PPARG: variants seen among roughly 807,000 people sequenced by gnomAD.
The protein encoded by PPARG is peroxisome proliferator activated receptor gamma.
A neutral mutation model predicts 39.2 loss-of-function variants in PPARG; 17 were observed. The ratio of observed to expected loss-of-function variants is 0.43; its 90% CI spans 0.30 to 0.65. PPARG has a LOEUF of 0.65. Ranked by LOEUF, PPARG falls within the 30% of genes least tolerant of loss-of-function variation. The pLI is 0.13. For synonymous variants in PPARG, 223 were observed against 215.7 expected (o/e 1.03, Z -0.30); for missense variants, 406 against 585.9 (o/e 0.69, Z 3.17).
intron 7 of PPARG, among the ~76,000 whole-genome samples, chr3:12,425,099 G>A (rs192576008): frequency 1.3e-5 from 2 of 152,076 alleles, no homozygotes; most frequent in Admixed American, 6.6e-5. Flanking sequence ...ATCAACTATC[G>A]CTTTAAGGGG....
chr3:12,332,553 TTTTG>T (rs1185265764), intron 2 of PPARG, among the ~76,000 whole-genome samples: 4 of 152,218 alleles, frequency 2.6e-5, no homozygotes, highest in African/African-American at 9.7e-5. Context: ...TGGCATTTGT[TTTTG>T]TTTAATATGT....
At chr3:12,293,247 G>A (rs924945255) in intron 1 of PPARG, among the ~76,000 whole-genome samples, 1 of 152,134 alleles carries the variant, frequency 6.6e-6, no homozygotes, top group South Asian at 2.1e-4. Flanking sequence ...GATTGTGTAA[G>A]TTCAGTTCAG....
chr3:12,400,706 T>C lies in PPARG; in HGVS notation c.530-5176T>C, dbSNP rs933357157. Among the ~76,000 whole-genome samples, 44 of 152,228 alleles carry C rather than the reference T, an allele frequency of 2.9e-4. 1 individual carries two copies. The highest frequency in any genetic ancestry group is 1.0e-3 in the African/African-American group (42 of 41,452). On this transcript the variant is annotated intron_variant, in intron 5 of 7. Coordinates refer to ENST00000651735, the MANE Select transcript of PPARG (RefSeq NM_138711.6). The stretch of plus-strand genomic sequence containing the variant: ...GTAATTTTTTTTGAGCCTCAAAAAC[T>C]AGACAAATACTGCTTTTAAAAAGAG...
At chr3:12,290,008 A>G (rs1387363169) in intron 1 of PPARG, among the ~76,000 whole-genome samples, 1 of 152,174 alleles carries the variant, frequency 6.6e-6, no homozygotes, top group Non-Finnish European at 1.5e-5. Context: ...GTGTATTACA[A>G]AACTGTCCAT....
chr3:12,373,810 G>GA (rs1239065316), intron 2 of PPARG, among the ~76,000 whole-genome samples: 1 of 152,194 alleles, frequency 6.6e-6, no homozygotes, highest in African/African-American at 2.4e-5. Context: ...AGTGCTGTGG[G>GA]AACACAGAGA....
intron 3 of PPARG, 102 bp downstream of exon 3, chr3:12,380,033 A>G (rs996579009): frequency 1.3e-5 from 13 of 1,016,816 alleles, no homozygotes; most frequent in Non-Finnish European, 1.8e-5. Context: ...GAAATCTAAT[A>G]GAGAAGGCAT....
chr3:12,296,647 AGTG>A (rs891488102), intron 1 of PPARG, among the ~76,000 whole-genome samples: 5 of 152,216 alleles, frequency 3.3e-5, no homozygotes, highest in Non-Finnish European at 7.3e-5. Flanking sequence ...AAAGCTCAGT[AGTG>A]GTGTCAATAA....
intron 2 of PPARG, among the ~76,000 whole-genome samples, chr3:12,342,761 T>C (rs200642396): frequency 6.6e-6 from 1 of 151,908 alleles, no homozygotes; most frequent in Non-Finnish European, 1.5e-5. Context: ...TTTTTAACAA[T>C]GAACGCGGAT....
intron 5 of PPARG, among the ~76,000 whole-genome samples, chr3:12,396,757 CAAAA>C (rs1208855424): frequency 3.6e-5 from 2 of 56,266 alleles, no homozygotes. Context: ...GACCCAGTCT[CAAAA>C]AAAAAAAAAA....
At chr3:12,343,634 C>T (rs1305775275) in intron 2 of PPARG, among the ~76,000 whole-genome samples, 1 of 152,254 alleles carries the variant, frequency 6.6e-6, no homozygotes, top group South Asian at 2.1e-4. Context: ...AAACCACCTA[C>T]TCGTATATTA....
chr3:12,417,751 C>G (rs2051111340), intron 7 of PPARG, among the ~76,000 whole-genome samples: 1 of 152,106 alleles, frequency 6.6e-6, no homozygotes, highest in Non-Finnish European at 1.5e-5. Context: ...GCAATGTGAA[C>G]CGAACACACA....
intron 2 of PPARG, among the ~76,000 whole-genome samples, chr3:12,364,893 T>C (rs541608493): frequency 6.6e-6 from 1 of 152,194 alleles, no homozygotes; most frequent in Non-Finnish European, 1.5e-5. Context: ...TTATTCACTT[T>C]CTTATTATTG....
chr3:12,350,696 G>T (rs557108949), intron 2 of PPARG, among the ~76,000 whole-genome samples: 1 of 152,152 alleles, frequency 6.6e-6, no homozygotes, highest in Non-Finnish European at 1.5e-5. Context: ...ACCTAACAGC[G>T]TAAGTCTATT....
At chr3:12,347,980 T>C (rs895899495) in intron 2 of PPARG, among the ~76,000 whole-genome samples, 1 of 152,132 alleles carries the variant, frequency 6.6e-6, no homozygotes, top group African/African-American at 2.4e-5. Flanking sequence ...AAGAAAAAAA[T>C]ACTGTACATA....
intron 5 of PPARG, among the ~76,000 whole-genome samples, chr3:12,398,626 C>G (rs1039210539): frequency 1.3e-4 from 20 of 152,180 alleles, no homozygotes; most frequent in African/African-American, 4.1e-4. Flanking sequence ...GGGAGAGGCA[C>G]CATCAGAGAG....
chr3:12,376,877 C>G (rs1041837465), intron 2 of PPARG, among the ~76,000 whole-genome samples: 1 of 152,162 alleles, frequency 6.6e-6, no homozygotes, highest in African/African-American at 2.4e-5. Context: ...AAGAAAGATA[C>G]GCCTATGATT....
intron 1 of PPARG, among the ~76,000 whole-genome samples, chr3:12,310,573 C>G (rs1398785804): frequency 1.0e-5 from 1 of 99,828 alleles, no homozygotes; most frequent in Non-Finnish European, 2.1e-5. Context: ...ACGCCATTCT[C>G]CTGCCTCAGC....
At chr3:12,432,547 A>G (rs1218207301) in intron 7 of PPARG, among the ~76,000 whole-genome samples, 1 of 152,250 alleles carries the variant, frequency 6.6e-6, no homozygotes, top group Admixed American at 6.5e-5. Context: ...CTGATAAACC[A>G]TTAGAAGCAT....
intron 2 of PPARG, among the ~76,000 whole-genome samples, chr3:12,363,094 A>G (rs142533459): frequency 6.6e-6 from 1 of 151,912 alleles, no homozygotes; most frequent in East Asian, 1.9e-4. Context: ...ATTTTTAAAA[A>G]ATTGTTATAG....
Sources: gnomAD v4.1 joint callset for allele counts (sites outside exome capture counted in the v4.1 genomes callset) on GRCh38, gnomAD v4.1.1 for gene constraint, MANE v1.5 for transcripts, NCBI Gene and HGNC (gene_info 2026-07-23, HGNC 2026-07-21) for gene names.